Variants in RUNX2 observed in about 807,000 individuals in gnomAD.
RUNX2 encodes the protein runt-related transcription factor 2.
Under a neutral mutation model 51.7 loss-of-function variants are expected in RUNX2, and 10 were observed. That is an observed-to-expected ratio of 0.19 (90% CI 0.12 to 0.33). RUNX2 has a LOEUF of 0.33. Ranked by LOEUF, RUNX2 falls within the 10% of genes least tolerant of loss-of-function variation. The pLI is 1.00. For missense variants in RUNX2, 562 were observed against 691.3 expected, an observed-to-expected ratio of 0.81 and a Z score of 2.10; for synonymous variants, 276 against 273.6, an observed-to-expected ratio of 1.01 and a Z score of -0.09.
intron 2 of RUNX2, among the ~76,000 whole-genome samples, chr6:45,390,945 A>T (rs73737403): frequency 0.014 from 2,074 of 152,064 alleles, 56 homozygotes; most frequent in African/African-American, 0.047. Flanking sequence ...TTGGCTTTAG[A>T]CTCTCTTCCC....
At chr6:45,485,933 A>G (rs555067163) in intron 5 of RUNX2, among the ~76,000 whole-genome samples, 1 of 151,936 alleles carries the variant, frequency 6.6e-6, no homozygotes, top group African/African-American at 2.4e-5. Context: ...TACTTTTTAA[A>G]TTTTTTATTA....
intron 2 of RUNX2, among the ~76,000 whole-genome samples, chr6:45,401,501 T>C (rs551928525): frequency 2.0e-5 from 3 of 152,370 alleles, no homozygotes; most frequent in Admixed American, 2.0e-4. Flanking sequence ...GACTTTGAAC[T>C]AGTTGTATAA....
rs746275240 is a variant in RUNX2 at position 45,328,757 on chromosome 6, A to G, written c.31A>G (p.Thr11Ala). 67 of 1,612,192 alleles carry G rather than the reference A, an allele frequency of 4.2e-5. No individual in the cohort carries two copies. The highest frequency in any genetic ancestry group is 5.4e-5 in the Non-Finnish European group (64 of 1,178,700). MASNSLFSTVTPCQQNFFWDP... is the reference protein window; with the variant it reads MASNSLFSTVAPCQQNFFWDP... ...ATCAAACAGCCTCTTCAGCACAGTG[A>G]CACCATGTCAGCAAAACTTCTTTTG... is the stretch of plus-strand genomic sequence containing the variant. Residue 11 changes from threonine to alanine, a missense_variant, in exon 2 of 9, where the codon ACA becomes GCA. This residue lies in a region of RUNX2 where 153 missense variants were observed against 144.8 expected (regional missense o/e 1.06). Coordinates refer to ENST00000647337, the MANE Select transcript of RUNX2 (RefSeq NM_001024630.4).
intron 6 of RUNX2, among the ~76,000 whole-genome samples, chr6:45,499,752 G>A (rs372500807): frequency 1.1e-3 from 174 of 152,140 alleles, no homozygotes; most frequent in African/African-American, 4.1e-3. Context: ...TGATAAGAAG[G>A]GTTCATCTCC....
chr6:45,511,438 G>T (rs1368911478), intron 6 of RUNX2, among the ~76,000 whole-genome samples: 2 of 152,152 alleles, frequency 1.3e-5, no homozygotes, highest in Non-Finnish European at 2.9e-5. Flanking sequence ...CTGTTTTGGG[G>T]CATTTTCTTA....
chr6:45,340,610 C>T (rs941150160), intron 2 of RUNX2, among the ~76,000 whole-genome samples: 1 of 151,918 alleles, frequency 6.6e-6, no homozygotes, highest in African/African-American at 2.4e-5. Context: ...AAGCATAAGC[C>T]ACCGCACCTG....
At chr6:45,391,464 T>G (rs1472670453) in intron 2 of RUNX2, among the ~76,000 whole-genome samples, 1 of 152,232 alleles carries the variant, frequency 6.6e-6, no homozygotes, top group Non-Finnish European at 1.5e-5. Context: ...ATGAACCAAT[T>G]AAACCTTTTT....
chr6:45,386,724 G>A (rs2150344899), intron 2 of RUNX2, among the ~76,000 whole-genome samples: 1 of 152,292 alleles, frequency 6.6e-6, no homozygotes, highest in South Asian at 2.1e-4. Flanking sequence ...AAATGAGGAA[G>A]GATAATTTAG....
rs1456051554 is a variant in RUNX2 at position 45,443,627 on chromosome 6, GA to G, written c.685+5580del. Among the ~76,000 whole-genome samples the G allele has an allele frequency of 7.9e-5, 12 of 152,300 alleles. No individual in the cohort carries two copies. The East Asian group carries it at 2.1e-3, about 27-fold the overall frequency. ...TTTTTCAATCTAGGGGACATTCAAA[GA>G]AAATACTCCAAATTTACTAGTCTAA... is the stretch of plus-strand genomic sequence containing the variant. On this transcript the variant is annotated intron_variant, in intron 5 of 8. Transcript: ENST00000647337.
intron 2 of RUNX2, among the ~76,000 whole-genome samples, chr6:45,393,271 G>A (rs760129108): frequency 6.6e-6 from 1 of 152,152 alleles, no homozygotes; most frequent in Non-Finnish European, 1.5e-5. Flanking sequence ...TGAAAGTCAA[G>A]TATGGTGTAT....
rs147376942 is a variant in RUNX2 at position 45,393,581 on chromosome 6, C to T, written c.59-29012C>T. Among the ~76,000 whole-genome samples the T allele has an allele frequency of 5.5e-3, 834 of 152,132 alleles. 13 individuals carry two copies. The highest frequency in any genetic ancestry group is 0.019 in the African/African-American group (804 of 41,500). On this transcript the variant is annotated intron_variant, in intron 2 of 8. Coordinates refer to ENST00000647337, the MANE Select transcript of RUNX2 (RefSeq NM_001024630.4). ...AATAGCTGGGACTGCAGGCGCCCGC[C>T]ACCACCCCGGCTAATTTTTCGTATT...
intron 5 of RUNX2, among the ~76,000 whole-genome samples, 182 bp from the exon 6 acceptor site, chr6:45,491,759 C>T (rs1302016759): frequency 4.6e-5 from 7 of 151,496 alleles, no homozygotes; most frequent in African/African-American, 1.7e-4. Context: ...GGAATGCTGG[C>T]CACCAGATAC....
chr6:45,455,305 T>C (rs1175734728), intron 5 of RUNX2, among the ~76,000 whole-genome samples: 1 of 152,202 alleles, frequency 6.6e-6, no homozygotes, highest in Admixed American at 6.5e-5. Context: ...AAATTCTTCT[T>C]TTTTAAGTTT....
chr6:45,548,233 C>T lies in RUNX2; in HGVS notation c.*928C>T, dbSNP rs1250607469. The T allele has an allele frequency of 6.6e-6, 1 of 152,470 alleles. No individual in the cohort carries two copies. The highest frequency in any genetic ancestry group is 1.5e-5 in the Non-Finnish European group (1 of 68,018). 9.4% of individuals were successfully genotyped at this position (152,470 alleles called of 1,614,324 possible). ...ATAATTATTTAATGACATTTGGACC[C>T]TTGAAACATTTCTTAGTGTATTGAT... On this transcript the variant is annotated 3_prime_UTR_variant, in exon 9 of 9. Coordinates refer to ENST00000647337, the MANE Select transcript of RUNX2 (RefSeq NM_001024630.4).
At chr6:45,519,790 ATGTGTG>A (rs35210688) in intron 7 of RUNX2, among the ~76,000 whole-genome samples, 4,385 of 123,954 alleles carry the variant, frequency 0.035, 101 homozygotes, top group East Asian at 0.088. Flanking sequence ...ATATATATAT[ATGTGTG>A]TGTGTGTGTG....
chr6:45,485,691 G>GTA (rs1368496560), intron 5 of RUNX2, among the ~76,000 whole-genome samples: 2 of 82,172 alleles, frequency 2.4e-5, no homozygotes, highest in Non-Finnish European at 5.4e-5. Context: ...GTGTGTGTGT[G>GTA]TGTGTGTATA....
At chr6:45,393,555 G>T (rs531566052) in intron 2 of RUNX2, among the ~76,000 whole-genome samples, 3 of 151,846 alleles carry the variant, frequency 2.0e-5, no homozygotes, top group African/African-American at 7.2e-5. Context: ...TCAGCCTCCC[G>T]AATAGCTGGG....
intron 2 of RUNX2, among the ~76,000 whole-genome samples, chr6:45,339,224 T>C (rs1391683262): frequency 2.0e-5 from 3 of 152,122 alleles, no homozygotes; most frequent in African/African-American, 7.2e-5. Flanking sequence ...CAAGACTTCT[T>C]ATGTTACAGT....
At chr6:45,478,160 C>A (rs1405765391) in intron 5 of RUNX2, among the ~76,000 whole-genome samples, 1 of 152,140 alleles carries the variant, frequency 6.6e-6, no homozygotes, top group Middle Eastern at 3.2e-3. Flanking sequence ...ATCTTTGGCT[C>A]CTCTTTGGTT....
Sources: gnomAD v4.1 joint callset for allele counts (sites outside exome capture counted in the v4.1 genomes callset) on GRCh38, gnomAD v4.1.1 for gene constraint, gnomAD v4.1.1 regional missense constraint, MANE v1.5 for transcripts, NCBI Gene and HGNC (gene_info 2026-07-23, HGNC 2026-07-21) for gene names.